Variants in GAS7 observed in about 807,000 individuals in gnomAD.
GAS7 encodes the protein growth arrest-specific protein 7.
A neutral mutation model predicts 71.1 loss-of-function variants in GAS7; 28 were observed. The observed-to-expected ratio is 0.39, with a 90% confidence interval of 0.29 to 0.54. The LOEUF (loss-of-function observed/expected upper bound fraction) is 0.54. GAS7 is among the 20% of genes least tolerant of loss of function. The pLI, the probability that GAS7 is intolerant of heterozygous loss-of-function variation, is 0.62. For missense variants in GAS7, 436 were observed against 627.8 expected (o/e 0.69, Z 3.27); for synonymous variants, 258 against 245.8 (o/e 1.05, Z -0.46).
chr17:10,049,604 T>C (rs1485939910), intron 1 of GAS7, among the ~76,000 whole-genome samples: 1 of 142,252 alleles, frequency 7.0e-6, no homozygotes, highest in Non-Finnish European at 1.5e-5. Flanking sequence ...GTTTTGAAAT[T>C]ACTTCTTTTT....
chr17:10,031,666 A>ACATT (rs2072621566), intron 1 of GAS7, among the ~76,000 whole-genome samples: 1 of 152,178 alleles, frequency 6.6e-6, no homozygotes. Flanking sequence ...CACCTGCTGT[A>ACATT]CGAATGTAAG....
In GAS7 at chr17:10,103,646, A is replaced by T. The variant is rs574154371; in HGVS notation, c.184-83749T>A. On this transcript the variant is annotated intron_variant, in intron 1 of 13. Coordinates refer to ENST00000432992, the MANE Select transcript of GAS7 (RefSeq NM_201433.2). This position sits in a 1 kb window ranked among gnomAD's most constrained non-coding sequence, Gnocchi z 5.5. ...TTCAAGACCAGCCTGGCCAACATGG[A>T]GAAACCCCGTCTCTACCAAAAATAC... Among the ~76,000 whole-genome samples the T allele has an allele frequency of 1.2e-4, 19 of 152,032 alleles. No homozygotes were observed. In the East Asian group the frequency reaches 3.1e-3, roughly 25 times the overall value.
intron 1 of GAS7, among the ~76,000 whole-genome samples, chr17:10,143,375 T>C (rs1339283567): frequency 6.6e-6 from 1 of 152,006 alleles, no homozygotes; most frequent in Non-Finnish European, 1.5e-5. Flanking sequence ...ACCCCATCTC[T>C]ACTAAAAATA....
chr17:10,156,652 T>C (rs1380263193), intron 1 of GAS7, among the ~76,000 whole-genome samples: 7 of 152,012 alleles, frequency 4.6e-5, no homozygotes, highest in Non-Finnish European at 8.8e-5. Context: ...CTGAAAGTCA[T>C]AGGTAGGAGA....
At chr17:10,043,007 C>T (rs1419840902) in intron 1 of GAS7, among the ~76,000 whole-genome samples, 1 of 152,022 alleles carries the variant, frequency 6.6e-6, no homozygotes, top group Non-Finnish European at 1.5e-5. Context: ...TGAGTCTGGC[C>T]CTTGGCACAT....
At chr17:10,119,256 G>T (rs1279789304) in intron 1 of GAS7, among the ~76,000 whole-genome samples, 1 of 152,182 alleles carries the variant, frequency 6.6e-6, no homozygotes, top group Non-Finnish European at 1.5e-5. Context: ...AGTGTGGGTG[G>T]CAATTTTAGA....
rs189410891 is a variant in GAS7, at chr17:9,963,019, A to C, written c.472-3764T>G. ...AAGACACCTGACCTGGACTCCTCAA[A>C]AATAAATCGTCAAGGTGATGAAAAA... On this transcript the variant is annotated intron_variant, in intron 4 of 13. Coordinates refer to ENST00000432992, the MANE Select transcript of GAS7 (RefSeq NM_201433.2). Among the ~76,000 whole-genome samples, 9 of 151,168 alleles carry C rather than the reference A, an allele frequency of 6.0e-5. No individual in the cohort carries two copies. In the East Asian group the frequency reaches 1.8e-3, roughly 29 times the overall value.
intron 7 of GAS7, among the ~76,000 whole-genome samples, chr17:9,940,666 T>C (rs1187784830): frequency 1.3e-5 from 2 of 152,148 alleles, no homozygotes; most frequent in African/African-American, 4.8e-5. Flanking sequence ...CTCCCTACTG[T>C]CTCACACCCC....
At chr17:10,068,898 G>A (rs2073311156) in intron 1 of GAS7, among the ~76,000 whole-genome samples, 2 of 152,180 alleles carry the variant, frequency 1.3e-5, no homozygotes, top group African/African-American at 4.8e-5. Flanking sequence ...CACATAGGAT[G>A]TGCCTAATTC....
In GAS7 at chr17:9,969,827, C is replaced by T. The variant is rs2069885081; in HGVS notation, c.386-65G>A. On this transcript the variant is annotated intron_variant, in intron 3 of 13. Transcript: ENST00000432992. The surrounding 1 kb of genome is among the most constrained non-coding windows in gnomAD (Gnocchi z 5.5). ...ACAGATGGGCACCCCCGCCTTTCGT[C>T]CACTGCAGCCCCTTTTCCCACCTCC... 2.0e-6 allele frequency: 2 copies of T among 1,012,504 alleles called. No homozygotes were observed. The highest frequency in any genetic ancestry group is 2.4e-5 in the East Asian group (1 of 41,896). 62.7% of individuals were successfully genotyped at this position (1,012,504 alleles called of 1,614,324 possible).
intron 1 of GAS7, among the ~76,000 whole-genome samples, chr17:10,021,910 T>C (rs949264817): frequency 2.0e-5 from 3 of 152,178 alleles, no homozygotes; most frequent in African/African-American, 7.2e-5. Flanking sequence ...ATGAACATTC[T>C]GTCCAATAGG....
chr17:10,072,798 T>C (rs1487928291), intron 1 of GAS7, among the ~76,000 whole-genome samples: 3 of 152,054 alleles, frequency 2.0e-5, no homozygotes, highest in Non-Finnish European at 4.4e-5. Flanking sequence ...GCGCCCATAG[T>C]CTGTCTGGCC....
At chr17:10,068,792 C>CA (rs1318866517) in intron 1 of GAS7, among the ~76,000 whole-genome samples, 3 of 151,504 alleles carry the variant, frequency 2.0e-5, no homozygotes, top group Admixed American at 6.6e-5. Context: ...CTTATTACAG[C>CA]AAAAAAATAC....
At chr17:9,943,358 G>C (rs2068676875) in intron 6 of GAS7, 122 bp from the exon 7 acceptor site, 1 of 670,064 alleles carries the variant, frequency 1.5e-6, no homozygotes, top group African/African-American at 1.8e-5. Context: ...ACAAGACGCG[G>C]GAGCAGCTGT....
intron 1 of GAS7, among the ~76,000 whole-genome samples, chr17:10,084,509 C>T (rs567076244): frequency 6.6e-6 from 1 of 152,152 alleles, no homozygotes; most frequent in Non-Finnish European, 1.5e-5. Context: ...TCTTGTCCCC[C>T]AGGCTGGAGT....
At position 9,917,985 on chromosome 17, in the gene GAS7, T is replaced by C. The variant is rs1257919197; in HGVS notation, c.1317+16A>G. ...GCCCCGTGTCGCCCGGGAGCCCCGC[T>C]GGGCTGGAAACTCACGCTTTGGTTG... is the stretch of plus-strand genomic sequence containing the variant. On this transcript the variant is annotated intron_variant, in intron 13 of 13. Transcript: ENST00000432992. 3.1e-6 allele frequency: 5 copies of C among 1,595,786 alleles called. No homozygotes were observed. The highest frequency in any genetic ancestry group is 1.7e-5 in the Admixed American group (1 of 59,902).
At chr17:10,110,342 A>C (rs762561506) in intron 1 of GAS7, among the ~76,000 whole-genome samples, 1 of 152,190 alleles carries the variant, frequency 6.6e-6, no homozygotes, top group Non-Finnish European at 1.5e-5. Context: ...GGAGCTAAAA[A>C]AGTTGCTCTC....
intron 1 of GAS7, among the ~76,000 whole-genome samples, chr17:10,102,868 A>G (rs2073718313): frequency 6.6e-6 from 1 of 151,704 alleles, no homozygotes; most frequent in East Asian, 1.9e-4. Flanking sequence ...ACTCTTGCTT[A>G]CTCTGCCCCA....
chr17:10,082,665 AAT>A (rs2073470430), intron 1 of GAS7, among the ~76,000 whole-genome samples: 1 of 152,256 alleles, frequency 6.6e-6, no homozygotes, highest in East Asian at 1.9e-4. Context: ...GAAAAGTGAA[AAT>A]GTGTCCGAAA....
Sources: allele counts gnomAD v4.1 joint callset (sites outside exome capture counted in the v4.1 genomes callset), GRCh38; gene constraint gnomAD v4.1.1; non-coding constraint Gnocchi (gnomAD v3.1); transcripts MANE v1.5; gene names NCBI Gene and HGNC (gene_info 2026-07-23, HGNC 2026-07-21).